The following ZMYM4 variants were observed in gnomAD, a reference collection of about 807,000 sequenced individuals.
ZMYM4 encodes the protein zinc finger MYM-type containing 4, also known as zinc finger MYM-type protein 4.
ZMYM4 carries 31 observed loss-of-function variants against 183.2 expected under a neutral mutation model. The ratio of observed to expected loss-of-function variants is 0.17; its 90% CI spans 0.13 to 0.23. The LOEUF (loss-of-function observed/expected upper bound fraction) is 0.23. Ranked by LOEUF, ZMYM4 falls within the 10% of genes least tolerant of loss-of-function variation. The pLI, the probability that ZMYM4 is intolerant of heterozygous loss-of-function variation, is 1.00. For missense variants in ZMYM4, 1,273 were observed against 1,840.3 expected, an observed-to-expected ratio of 0.69 and a Z score of 5.64; for synonymous variants, 592 against 631.2, an observed-to-expected ratio of 0.94 and a Z score of 0.93.
intron 1 of ZMYM4, among the ~76,000 whole-genome samples, chr1:35,308,383 A>G (rs921345439): frequency 5.3e-5 from 8 of 152,220 alleles, no homozygotes; most frequent in African/African-American, 1.9e-4. Context: ...AATGGTATAT[A>G]CAAACTGTCT....
chr1:35,320,494 T>C (rs1385576084), intron 1 of ZMYM4, among the ~76,000 whole-genome samples: 1 of 152,196 alleles, frequency 6.6e-6, no homozygotes, highest in East Asian at 1.9e-4. Context: ...AATAAACCAG[T>C]AAATGTGTTC....
intron 17 of ZMYM4, among the ~76,000 whole-genome samples, chr1:35,392,973 G>A (rs1644738235): frequency 6.6e-6 from 1 of 152,094 alleles, no homozygotes; most frequent in Non-Finnish European, 1.5e-5. Flanking sequence ...TGGATGTTTT[G>A]TGATGTACTC....
In ZMYM4 at chr1:35,388,813, G is replaced by A. The variant is rs560480944; in HGVS notation, c.2264-97G>A. 1.5e-5 allele frequency: 17 copies of A among 1,124,706 alleles called. No individual in the cohort carries two copies. In the South Asian group the frequency reaches 2.0e-4, roughly 13 times the overall value. The allele number at this position is 1,124,706 out of a possible 1,614,324, so 69.7% of individuals were successfully genotyped here. A position where few individuals can be genotyped will look rare whatever the true frequency, so the allele number is the denominator to read the frequency against. ...AGCCTCCCAAAGTGTTGGGATTACA[G>A]GTGTGAGCCACTGCACCGGGCCTGT... On this transcript the variant is annotated intron_variant, in intron 13 of 29. Coordinates refer to ENST00000314607, the MANE Select transcript of ZMYM4 (RefSeq NM_005095.3).
Position 35,391,429 on chromosome 1 carries a change from C to T in ZMYM4, c.2588-783C>T, listed in dbSNP as rs559482071. ...CACACTATGTGCTAGGCCACTTTAT[C>T]TCAGAAAATTTATTATTTAAAAACA... On this transcript the variant is annotated intron_variant, in intron 15 of 29. Transcript: ENST00000314607. Among the ~76,000 whole-genome samples, 3 of 152,236 alleles carry T rather than the reference C, an allele frequency of 2.0e-5. No homozygotes were observed. In the South Asian group the frequency reaches 6.2e-4, roughly 32 times the overall value.
intron 1 of ZMYM4, among the ~76,000 whole-genome samples, chr1:35,271,304 G>T (rs1055973452): frequency 5.9e-5 from 9 of 151,470 alleles, no homozygotes; most frequent in Non-Finnish European, 1.2e-4. Context: ...TCTGCCTCTT[G>T]TCGTACACTT....
chr1:35,270,588 G>A (rs1272284907), intron 1 of ZMYM4, among the ~76,000 whole-genome samples: 3 of 152,054 alleles, frequency 2.0e-5, no homozygotes, highest in African/African-American at 7.2e-5. Context: ...GTGAAACCCC[G>A]TCTCTACTAA....
intron 2 of ZMYM4, among the ~76,000 whole-genome samples, chr1:35,327,677 C>T (rs1642563068): frequency 6.6e-6 from 1 of 152,112 alleles, no homozygotes; most frequent in African/African-American, 2.4e-5. Context: ...CCAGAAGAAT[C>T]ATTTTAGATA....
chr1:35,374,469 C>G (rs1211527040), intron 7 of ZMYM4, among the ~76,000 whole-genome samples: 1 of 151,930 alleles, frequency 6.6e-6, no homozygotes, highest in Non-Finnish European at 1.5e-5. Flanking sequence ...TAGGGATCAA[C>G]AGTCTTTAAA....
chr1:35,355,320 T>G (rs573804195), intron 2 of ZMYM4, among the ~76,000 whole-genome samples: 2 of 151,646 alleles, frequency 1.3e-5, no homozygotes, highest in South Asian at 4.2e-4. Context: ...GTGCTGGGAT[T>G]ACAGGCGTGA....
At chr1:35,319,852 A>G (rs530749806) in intron 1 of ZMYM4, among the ~76,000 whole-genome samples, 17 of 152,294 alleles carry the variant, frequency 1.1e-4, no homozygotes, top group African/African-American at 3.8e-4. Flanking sequence ...TTCAGTGGAA[A>G]CTTTGGGAGT....
intron 1 of ZMYM4, among the ~76,000 whole-genome samples, chr1:35,320,463 A>C (rs1471750698): frequency 6.6e-6 from 1 of 152,208 alleles, no homozygotes; most frequent in Non-Finnish European, 1.5e-5. Flanking sequence ...GTTCACCTGT[A>C]TCCTTTGTAG....
At chr1:35,376,757 C>T (rs1268406646) in intron 7 of ZMYM4, among the ~76,000 whole-genome samples, 3 of 152,026 alleles carry the variant, frequency 2.0e-5, no homozygotes, top group Non-Finnish European at 4.4e-5. Context: ...ATCTCTTGAC[C>T]TCAGGTGATC....
At chr1:35,367,024 CAA>C (rs1213113614) in intron 5 of ZMYM4, among the ~76,000 whole-genome samples, 48 of 82,876 alleles carry the variant, frequency 5.8e-4, no homozygotes, top group African/African-American at 1.2e-3. Flanking sequence ...AACTCCATCT[CAA>C]AAAAAAAAAA....
At chr1:35,287,392 G>T (rs1221747405) in intron 1 of ZMYM4, among the ~76,000 whole-genome samples, 1 of 151,640 alleles carries the variant, frequency 6.6e-6, no homozygotes, top group Non-Finnish European at 1.5e-5. Flanking sequence ...TACCCATTAA[G>T]TACATTATGT....
In ZMYM4 at chr1:35,404,514, C is replaced by CT. The variant is rs199664820; in HGVS notation, c.3529-506dup. On this transcript the variant is annotated intron_variant, in intron 23 of 29. Coordinates refer to ENST00000314607, the MANE Select transcript of ZMYM4 (RefSeq NM_005095.3). Reference sequence around the variant, plus strand: ...TTTGGTAAATTTTATTTTCATTTTCCTTTAAGTTCAAAATGTTTTGTGATT... The same window carrying CT: ...TTTGGTAAATTTTATTTTCATTTTCCTTTTAAGTTCAAAATGTTTTGTGATT... Among the ~76,000 whole-genome samples, 254 of 152,110 alleles carry CT rather than the reference C, an allele frequency of 1.7e-3. 3 individuals are homozygous for CT. The highest frequency in any genetic ancestry group is 5.4e-3 in the African/African-American group (225 of 41,488).
In ZMYM4 at chr1:35,299,702, C is replaced by CTTACCTGGTAAG. The variant is rs1417403650; in HGVS notation, c.40-25658_40-25657insTTACCTGGTAAG. On this transcript the variant is annotated intron_variant, in intron 1 of 29. Coordinates refer to ENST00000314607, the MANE Select transcript of ZMYM4 (RefSeq NM_005095.3). ...TGGTAAGTTGCAGAAAGCAACCAAT[C>CTTACCTGGTAAG]AAAGGCTAAAGTGAAGTTACAAAGT... 1.1e-3 allele frequency among the ~76,000 whole-genome samples: 160 copies of CTTACCTGGTAAG among 152,270 alleles called. 3 individuals carry two copies. The South Asian group carries it at 0.032, about 31-fold the overall frequency.
At position 35,410,670 on chromosome 1, in the gene ZMYM4, T is replaced by C. The variant is rs573463994; in HGVS notation, c.3948+2511T>C. 3.9e-4 allele frequency among the ~76,000 whole-genome samples: 59 copies of C among 150,204 alleles called. 1 individual carries two copies. In the South Asian group the frequency reaches 7.2e-3, roughly 18 times the overall value. On this transcript the variant is annotated intron_variant, in intron 26 of 29. Coordinates refer to ENST00000314607, the MANE Select transcript of ZMYM4 (RefSeq NM_005095.3). Reference sequence around the variant, plus strand: ...CACCTGGCTCATTTTTTTTTTTTTTTCCAGTAGAGACGGGGTTTCACAGTA... The same window carrying C: ...CACCTGGCTCATTTTTTTTTTTTTTCCCAGTAGAGACGGGGTTTCACAGTA...
At chr1:35,308,895 T>A (rs573723318) in intron 1 of ZMYM4, 72 of 899,464 alleles carry the variant, frequency 8.0e-5, no homozygotes, top group South Asian at 1.0e-4. Context: ...AAAAGGAAAT[T>A]TTTTGCTTTT....
At chr1:35,272,334 G>A (rs1010657684) in intron 1 of ZMYM4, among the ~76,000 whole-genome samples, 5 of 152,188 alleles carry the variant, frequency 3.3e-5, no homozygotes, top group Admixed American at 1.3e-4. Context: ...CTAAGCACCT[G>A]TGCTATTTCA....
Sources: gnomAD v4.1 joint callset for allele counts (sites outside exome capture counted in the v4.1 genomes callset) on GRCh38, gnomAD v4.1.1 for gene constraint, MANE v1.5 for transcripts, NCBI Gene and HGNC (gene_info 2026-07-23, HGNC 2026-07-21) for gene names.